Variants in PLAC1 observed in about 807,000 individuals in gnomAD.
The protein encoded by PLAC1 is placenta associated 1.
For synonymous variants in PLAC1, 68 were observed against 62.1 expected (o/e 1.09, Z -0.44); for missense variants, 136 against 163.2 (o/e 0.83, Z 0.91).
intron 1 of PLAC1, among the ~76,000 whole-genome samples, chrX:134,645,603 G>A (rs947239443): frequency 8.9e-6 from 1 of 111,836 alleles, no homozygotes; most frequent in African/African-American, 3.3e-5. Flanking sequence ...AGCTTTTGGA[G>A]GTCAGGATCC....
intron 2 of PLAC1, among the ~76,000 whole-genome samples, chrX:134,576,690 T>C (rs1245782153): frequency 8.9e-6 from 1 of 111,793 alleles, no homozygotes; most frequent in Non-Finnish European, 1.9e-5. Flanking sequence ...CAATGACTTA[T>C]GTCTTTACAA....
At chrX:134,598,988 T>C (rs1395324646) in intron 2 of PLAC1, among the ~76,000 whole-genome samples, 1 of 112,035 alleles carries the variant, frequency 8.9e-6, no homozygotes, top group Non-Finnish European at 1.9e-5. Context: ...ATATGGGAAC[T>C]ATCACAACTT....
At chrX:134,635,226 C>G (rs1259969784) in intron 1 of PLAC1, among the ~76,000 whole-genome samples, 1 of 111,798 alleles carries the variant, frequency 8.9e-6, no homozygotes, top group Non-Finnish European at 1.9e-5. Context: ...ATTATCTGCC[C>G]AAGCAAAAGG....
intron 1 of PLAC1, among the ~76,000 whole-genome samples, chrX:134,647,946 T>G (rs1361438069): frequency 9.0e-6 from 1 of 110,992 alleles, no homozygotes; most frequent in African/African-American, 3.3e-5. Context: ...GGGGGTAACC[T>G]AGCAACCCAT....
intron 2 of PLAC1, among the ~76,000 whole-genome samples, chrX:134,671,780 A>G (rs1569402263): frequency 8.9e-6 from 1 of 112,000 alleles, no homozygotes; most frequent in East Asian, 2.8e-4. Flanking sequence ...AATCCAAACC[A>G]TATCACCAGT....
intron 1 of PLAC1, among the ~76,000 whole-genome samples, chrX:134,743,330 G>A (rs2078721644): frequency 8.9e-6 from 1 of 111,967 alleles, no homozygotes. Context: ...AGCCCTTGGG[G>A]AAAGACTGAA....
chrX:134,683,156 T>C (rs1389728710), intron 2 of PLAC1, among the ~76,000 whole-genome samples: 1 of 111,421 alleles, frequency 9.0e-6, no homozygotes, highest in Non-Finnish European at 1.9e-5. Context: ...AAGAAGTAGA[T>C]AGCTTTAAAG....
chrX:134,639,253 T>C (rs2078297305), intron 1 of PLAC1, among the ~76,000 whole-genome samples: 1 of 111,949 alleles, frequency 8.9e-6, no homozygotes, highest in Admixed American at 9.5e-5. Flanking sequence ...ATGGTTTCCA[T>C]ATTCCTAAAA....
chrX:134,612,811 G>GGCTGCAA (rs2078160283), intron 1 of PLAC1, among the ~76,000 whole-genome samples: 1 of 111,251 alleles, frequency 9.0e-6, no homozygotes, highest in African/African-American at 3.3e-5. Flanking sequence ...CCCTGAGCCG[G>GGCTGCAA]AGTAGCTGAA....
intron 1 of PLAC1, among the ~76,000 whole-genome samples, chrX:134,635,512 A>T (rs1335034131): frequency 6.5e-5 from 7 of 107,925 alleles, no homozygotes; most frequent in South Asian, 3.9e-4. Context: ...TAGCTAATTT[A>T]AAAAAATCAT....
intron 1 of PLAC1, among the ~76,000 whole-genome samples, chrX:134,742,029 G>A (rs1358450941): frequency 8.9e-6 from 1 of 112,016 alleles, no homozygotes; most frequent in Admixed American, 9.5e-5. Context: ...CAGGTGCAGG[G>A]GCTGGGTGGG....
At chrX:134,717,153 C>G (rs1421694111) in intron 2 of PLAC1, among the ~76,000 whole-genome samples, 2 of 111,906 alleles carry the variant, frequency 1.8e-5, no homozygotes, top group African/African-American at 3.3e-5. Context: ...AATAGGAAGG[C>G]ATTTGCTGGG....
At chrX:134,648,075 C>T (rs1390523089) in intron 1 of PLAC1, among the ~76,000 whole-genome samples, 1 of 111,496 alleles carries the variant, frequency 9.0e-6, no homozygotes, top group East Asian at 2.8e-4. Flanking sequence ...CAGCACCCTG[C>T]CTGGAATTTC....
At chrX:134,722,883 A>T (rs935749040) in intron 2 of PLAC1, among the ~76,000 whole-genome samples, 15 of 109,844 alleles carry the variant, frequency 1.4e-4, no homozygotes, top group Non-Finnish European at 2.5e-4. Context: ...GAAAGGTGAG[A>T]GCATACAGTC....
At chrX:134,605,716 C>T (rs1358072558) in intron 1 of PLAC1, 1 of 112,035 alleles carries the variant, frequency 8.9e-6, no homozygotes, top group Non-Finnish European at 1.9e-5. Flanking sequence ...TGCCCAAGAC[C>T]ATCTCCCCGG....
chrX:134,569,888 C>T (rs1315020947), intron 2 of PLAC1, among the ~76,000 whole-genome samples: 2 of 108,855 alleles, frequency 1.8e-5, no homozygotes, highest in Non-Finnish European at 3.8e-5. Context: ...TGCAGTGGCA[C>T]GACCTTGGCT....
chrX:134,581,476 C>CTTT (rs35457928), intron 2 of PLAC1, among the ~76,000 whole-genome samples: 1,321 of 58,864 alleles, frequency 0.022, 120 homozygotes, highest in East Asian at 0.11. Context: ...TTCTCAGACT[C>CTTT]TTTTTTTTTT....
intron 2 of PLAC1, among the ~76,000 whole-genome samples, chrX:134,567,673 G>C (rs1045773725): frequency 9.3e-6 from 1 of 107,875 alleles, no homozygotes; most frequent in African/African-American, 3.4e-5. Context: ...TGGGAGGATC[G>C]CTTGAGCCTT....
chrX:134,718,588 A>G (rs942714529), intron 2 of PLAC1, among the ~76,000 whole-genome samples: 2 of 111,894 alleles, frequency 1.8e-5, no homozygotes, highest in African/African-American at 6.5e-5. Context: ...TAAGGCTTGC[A>G]GGCAAGGGAC....
Sources: gnomAD v4.1 joint callset for allele counts (sites outside exome capture counted in the v4.1 genomes callset) on GRCh38, gnomAD v4.1.1 for gene constraint, MANE v1.5 for transcripts, NCBI Gene and HGNC (gene_info 2026-07-23, HGNC 2026-07-21) for gene names.